Variants in TPM3 observed in about 807,000 individuals in gnomAD.
The protein encoded by TPM3 is tropomyosin alpha-3 chain.
A neutral mutation model predicts 43.1 loss-of-function variants in TPM3; 16 were observed. The observed-to-expected ratio is 0.37, with a 90% CI of 0.25 to 0.56. The LOEUF is 0.56. Ranked by LOEUF, TPM3 falls within the 20% of genes least tolerant of loss-of-function variation. TPM3 has a pLI of 0.77. For missense variants in TPM3, 176 were observed against 337.2 expected, an observed-to-expected ratio of 0.52 and a Z score of 3.74; for synonymous variants, 101 against 116.9, an observed-to-expected ratio of 0.86 and a Z score of 0.88.
chr1:154,190,387 T>G (rs1469921189), intron 2 of TPM3, among the ~76,000 whole-genome samples: 1 of 152,202 alleles, frequency 6.6e-6, no homozygotes, highest in East Asian at 1.9e-4. Context: ...TTCAATCTAC[T>G]CTCTCATTTA....
At chr1:154,158,526 C>A, downstream of TPM3, 2 of 346,420 alleles carry the variant, frequency 5.8e-6, no homozygotes, top group Non-Finnish European at 1.1e-5. Flanking sequence ...ATTCATATCC[C>A]ACAACTTTTC....
intron 5 of TPM3, 69 bp from the exon 6 acceptor site, chr1:154,171,557 C>A: frequency 6.5e-7 from 1 of 1,536,406 alleles, no homozygotes; most frequent in South Asian, 1.1e-5. Context: ...GGGAGAGAGA[C>A]ACATAGACGT....
chr1:154,174,580 C>T (rs186171416), intron 3 of TPM3, among the ~76,000 whole-genome samples: 5 of 148,876 alleles, frequency 3.4e-5, no homozygotes, highest in South Asian at 2.1e-4. Context: ...CTGCAACCTC[C>T]GCCTCTTGGG....
chr1:154,179,611 G>A lies in TPM3; in HGVS notation c.244-3363C>T, dbSNP rs116804990. 7.7e-3 allele frequency among the ~76,000 whole-genome samples: 1,164 copies of A among 152,024 alleles called. 14 individuals carry two copies. Among genetic ancestry groups the A allele is most frequent in the African/African-American group, 0.027 (1,111 of 41,432 alleles). ...GTTGACCCCTCACTCCCCCAGTGCC[G>A]ATACTCGCCCAGGCTGGAGTACAGT... On this transcript the variant is annotated intron_variant, in intron 2 of 9. Transcript: ENST00000651641.
At chr1:154,161,529 A>C (rs891730569), downstream of TPM3, among the ~76,000 whole-genome samples, 1 of 141,674 alleles carries the variant, frequency 7.1e-6, no homozygotes. Context: ...TCCACCTCCC[A>C]GGTTCAAGCG....
chr1:154,166,891 C>T lies in TPM3; in HGVS notation c.*1046G>A, dbSNP rs575861688. Among the ~76,000 whole-genome samples, 11 of 152,234 alleles carry T rather than the reference C, an allele frequency of 7.2e-5. No homozygotes were observed. Among genetic ancestry groups the T allele is most frequent in the East Asian group, 3.9e-4 (2 of 5,178 alleles). ...AGAGACGGGGTTTCACCATGTTGGC[C>T]GAGCTGGTCTCGAACTCATGACCTC... is the stretch of plus-strand genomic sequence containing the variant. On this transcript the variant is annotated 3_prime_UTR_variant, in exon 10 of 10. Coordinates refer to ENST00000651641, the MANE Select transcript of TPM3 (RefSeq NM_152263.4).
At chr1:154,186,504 TATCAACA>T (rs1403646580) in intron 2 of TPM3, among the ~76,000 whole-genome samples, 5 of 151,482 alleles carry the variant, frequency 3.3e-5, no homozygotes, top group African/African-American at 1.2e-4. Flanking sequence ...CAATACAATA[TATCAACA>T]GGTGTATATG....
rs1174312039 is a variant in TPM3 at position 154,164,107 on chromosome 1, T to TCC, written c.*3828_*3829dup. On this transcript the variant is annotated 3_prime_UTR_variant, in exon 10 of 10. Transcript: ENST00000651641. ...ATTGTCAGCCGTATCTTCTTTCCCT[T>TCC]CCCCCAGCTCCCCAAACCAGGACAA... Among the ~76,000 whole-genome samples, 1 of 151,760 alleles carries TCC rather than the reference T, an allele frequency of 6.6e-6. No homozygotes were observed. Among genetic ancestry groups the TCC allele is most frequent in the Admixed American group, 6.6e-5 (1 of 15,194 alleles).
Position 154,165,311 on chromosome 1 carries a change from A to G in TPM3, c.*2626T>C, listed in dbSNP as rs750888105. Reference sequence around the variant, plus strand: ...ACAGGAGAATCGCTTGAACTCAAGAAGCAGAGGTTGCAGTGAGCCATGATC... The same window carrying G: ...ACAGGAGAATCGCTTGAACTCAAGAGGCAGAGGTTGCAGTGAGCCATGATC... On this transcript the variant is annotated 3_prime_UTR_variant, in exon 10 of 10. Coordinates refer to ENST00000651641, the MANE Select transcript of TPM3 (RefSeq NM_152263.4). 6.6e-6 allele frequency among the ~76,000 whole-genome samples: 1 copy of G among 152,124 alleles called. No individual in the cohort carries two copies.
At chr1:154,171,097 AG>A (rs2148234082) in intron 6 of TPM3, 1 of 560,976 alleles carries the variant, frequency 1.8e-6, no homozygotes, top group Non-Finnish European at 3.2e-6. Flanking sequence ...ATTAGGTCTC[AG>A]AGCTGATTCT....
Position 154,164,181 on chromosome 1 carries a change from G to T in TPM3, c.*3756C>A, listed in dbSNP as rs555633635. Among the ~76,000 whole-genome samples the T allele has an allele frequency of 5.7e-4, 85 of 150,252 alleles. No individual in the cohort carries two copies. The highest frequency in any genetic ancestry group is 1.8e-3 in the African/African-American group (72 of 40,878). ...CCCACCACTTTCCTACTCTTTTTTTGGGGGGGGTCTCATTCTGCCACCCAG... is the reference window on the plus strand; with the variant it reads ...CCCACCACTTTCCTACTCTTTTTTTTGGGGGGGTCTCATTCTGCCACCCAG... On this transcript the variant is annotated 3_prime_UTR_variant, in exon 10 of 10. Transcript: ENST00000651641.
At chr1:154,177,373 C>G (rs1183871218) in intron 2 of TPM3, among the ~76,000 whole-genome samples, 7 of 152,128 alleles carry the variant, frequency 4.6e-5, no homozygotes, top group Non-Finnish European at 1.0e-4. Context: ...GACAATCTTC[C>G]CCCTGGCCTC....
rs937267978 is a variant in TPM3 at position 154,188,571 on chromosome 1, A to C, written c.243+2615T>G. On this transcript the variant is annotated intron_variant, in intron 2 of 9. Transcript: ENST00000651641. ...GCACCTGTAGTCCCAGCTACTCAGG[A>C]GGCTGAGGCAGGAGAATGGCGTGAA... is the stretch of plus-strand genomic sequence containing the variant. 5.4e-5 allele frequency among the ~76,000 whole-genome samples: 8 copies of C among 148,932 alleles called. 1 individual carries two copies. Among genetic ancestry groups the C allele is most frequent in the African/African-American group, 2.0e-4 (8 of 39,546 alleles).
chr1:154,160,498 T>C (rs949694768), downstream of TPM3, among the ~76,000 whole-genome samples: 5 of 152,170 alleles, frequency 3.3e-5, no homozygotes, highest in Admixed American at 2.6e-4. Flanking sequence ...CTAAAAATAA[T>C]AGCTGTATTA....
chr1:154,185,550 C>T (rs779884091), intron 2 of TPM3, among the ~76,000 whole-genome samples: 4 of 149,868 alleles, frequency 2.7e-5, no homozygotes, highest in Admixed American at 1.3e-4. Context: ...AACAAACAAA[C>T]AAACAAAAAA....
At chr1:154,169,427 T>C in intron 8 of TPM3, 44 bp from the exon 9 acceptor site, 1 of 1,599,854 alleles carries the variant, frequency 6.3e-7, no homozygotes, top group East Asian at 2.2e-5. Context: ...GGGGACAGAG[T>C]GAAGAGTTTC....
At chr1:154,157,246 A>T (rs965515901), downstream of TPM3, 1 of 402,252 alleles carries the variant, frequency 2.5e-6, no homozygotes, top group African/African-American at 2.0e-5. Context: ...TAAGGTGAAA[A>T]GTCACCTTCC....
chr1:154,173,677 A>C (rs1411074533), intron 3 of TPM3, among the ~76,000 whole-genome samples: 3 of 152,046 alleles, frequency 2.0e-5, no homozygotes, highest in East Asian at 3.9e-4. Context: ...AAAAAAAAAA[A>C]AAACTTTTTG....
At position 154,170,911 on chromosome 1, in the gene TPM3, G is replaced by A; in HGVS notation, c.643-200C>T. The A allele has an allele frequency of 5.0e-6, 3 of 600,286 alleles. No individual in the cohort carries two copies. In the South Asian group the frequency reaches 6.0e-5, roughly 12 times the overall value. The allele number at this position is 600,286 out of a possible 1,614,324, so 37.2% of individuals were successfully genotyped here. A position where few individuals can be genotyped will look rare whatever the true frequency, so the allele number is the denominator to read the frequency against. The stretch of plus-strand genomic sequence containing the variant: ...GTCTTTAGAGCCATGAGATCCTCAG[G>A]TTAAAATTCTCCATGACTTTTTAAG... On this transcript the variant is annotated intron_variant, in intron 6 of 9. Coordinates refer to ENST00000651641, the MANE Select transcript of TPM3 (RefSeq NM_152263.4).
Sources: allele counts gnomAD v4.1 joint callset (sites outside exome capture counted in the v4.1 genomes callset), GRCh38; gene constraint gnomAD v4.1.1; transcripts MANE v1.5; gene names NCBI Gene and HGNC (gene_info 2026-07-23, HGNC 2026-07-21).